The following LMO1 variants were observed in gnomAD, a reference collection of about 807,000 sequenced individuals.
LMO1 encodes the protein LIM domain only 1.
LMO1 carries 10 observed loss-of-function variants against 18.0 expected under a neutral mutation model. The observed-to-expected ratio is 0.55, with a 90% confidence interval of 0.34 to 0.94. The LOEUF (loss-of-function observed/expected upper bound fraction) is 0.94, where lower values mean the gene tolerates loss of function less well. Among genes scored for constraint, LMO1 ranks in the 40% least tolerant of loss-of-function variants. The pLI, the probability that LMO1 is intolerant of heterozygous loss-of-function variation, is 0.02. For synonymous variants in LMO1, 77 were observed against 77.9 expected, an observed-to-expected ratio of 0.99 and a Z score of 0.06; for missense variants, 183 against 205.7, an observed-to-expected ratio of 0.89 and a Z score of 0.68.
In LMO1 at chr11:8,224,393, C is replaced by G; in HGVS notation, c.*223G>C. 1.8e-6 allele frequency: 1 copy of G among 550,222 alleles called. No individual in the cohort carries two copies. Among genetic ancestry groups the G allele is most frequent in the Non-Finnish European group, 3.2e-6 (1 of 308,652 alleles). The allele number at this position is 550,222 out of a possible 1,614,324, so 34.1% of individuals were successfully genotyped here. A position where few individuals can be genotyped will look rare whatever the true frequency, so the allele number is the denominator to read the frequency against. Reference sequence around the variant, plus strand: ...TAAAATAAATGTTCCCATTTATATACAGAAGACAGACTGTACAGGCCCGGC... The same window carrying G: ...TAAAATAAATGTTCCCATTTATATAGAGAAGACAGACTGTACAGGCCCGGC... On this transcript the variant is annotated 3_prime_UTR_variant, in exon 4 of 4. Coordinates refer to ENST00000335790, the MANE Select transcript of LMO1 (RefSeq NM_002315.3).
At chr11:8,267,442 C>G (rs1416563018), upstream of LMO1, among the ~76,000 whole-genome samples, 1 of 152,192 alleles carries the variant, frequency 6.6e-6, no homozygotes, top group African/African-American at 2.4e-5. Flanking sequence ...CCTCTCAACC[C>G]CAAACCTTCC....
intron 1 of LMO1, among the ~76,000 whole-genome samples, chr11:8,262,771 T>C (rs982041547): frequency 2.0e-5 from 3 of 152,148 alleles, no homozygotes; most frequent in African/African-American, 7.2e-5. Flanking sequence ...GTCACGCTCA[T>C]GCAGATGTCC....
At chr11:8,226,600 T>C (rs1433034714) in intron 3 of LMO1, among the ~76,000 whole-genome samples, 1 of 152,088 alleles carries the variant, frequency 6.6e-6, no homozygotes, top group Non-Finnish European at 1.5e-5. Context: ...CCCCAGACAT[T>C]TAAAAACACA....
At chr11:8,244,968 C>T (rs974732969) in intron 1 of LMO1, among the ~76,000 whole-genome samples, 8 of 152,242 alleles carry the variant, frequency 5.3e-5, no homozygotes, top group African/African-American at 1.9e-4. Flanking sequence ...TACCCTGCAT[C>T]CTCTTCACCC....
intron 1 of LMO1, among the ~76,000 whole-genome samples, chr11:8,250,225 A>G (rs1345111184): frequency 1.3e-5 from 2 of 152,218 alleles, no homozygotes; most frequent in South Asian, 2.1e-4. Context: ...TTCCTGAGCC[A>G]ACTTCTGCAG....
chr11:8,256,598 T>C (rs1480277777), intron 1 of LMO1, among the ~76,000 whole-genome samples: 1 of 152,246 alleles, frequency 6.6e-6, no homozygotes, highest in African/African-American at 2.4e-5. Context: ...TATCAGCTAC[T>C]GTGAACTCCT....
chr11:8,258,543 T>C (rs1032735480), intron 1 of LMO1, among the ~76,000 whole-genome samples: 1 of 152,220 alleles, frequency 6.6e-6, no homozygotes, highest in Admixed American at 6.5e-5. Flanking sequence ...CAGTGCTCAC[T>C]GGCAATCATC....
chr11:8,229,378 T>C lies in LMO1; in HGVS notation c.239+913A>G, dbSNP rs1952609806. ...CACTGATAACCTCCCCCTTGCAACATGCCCAGACCTGGGCAGAGGGAGCCC... is the reference window on the plus strand; with the variant it reads ...CACTGATAACCTCCCCCTTGCAACACGCCCAGACCTGGGCAGAGGGAGCCC... On this transcript the variant is annotated intron_variant, in intron 2 of 3. Transcript: ENST00000335790. Among the ~76,000 whole-genome samples the C allele has an allele frequency of 2.0e-5, 3 of 152,312 alleles. 1 individual carries two copies. The highest frequency in any genetic ancestry group is 6.8e-3 in the Middle Eastern group (2 of 294).
intron 1 of LMO1, among the ~76,000 whole-genome samples, chr11:8,260,613 A>G (rs1590565505): frequency 6.6e-6 from 1 of 152,148 alleles, no homozygotes; most frequent in Non-Finnish European, 1.5e-5. Context: ...TCAATACTTC[A>G]GAAAGTCTCT....
At chr11:8,229,323 A>G (rs1565175570) in intron 2 of LMO1, among the ~76,000 whole-genome samples, 1 of 152,206 alleles carries the variant, frequency 6.6e-6, no homozygotes, top group Non-Finnish European at 1.5e-5. Flanking sequence ...CAGGTCAGTC[A>G]AAGGATCTTT....
intron 1 of LMO1, among the ~76,000 whole-genome samples, chr11:8,231,545 A>G (rs1952662092): frequency 6.6e-6 from 1 of 152,216 alleles, no homozygotes; most frequent in East Asian, 1.9e-4. Context: ...GGACCTCAGA[A>G]GCCCTGCTCT....
At chr11:8,234,694 C>A (rs1952730400) in intron 1 of LMO1, among the ~76,000 whole-genome samples, 3 of 152,206 alleles carry the variant, frequency 2.0e-5, no homozygotes, top group Non-Finnish European at 4.4e-5. Flanking sequence ...TGGGCATCTG[C>A]AGCCCCTCCC....
chr11:8,253,220 C>T (rs1847034586), intron 1 of LMO1, among the ~76,000 whole-genome samples: 1 of 152,196 alleles, frequency 6.6e-6, no homozygotes, highest in African/African-American at 2.4e-5. Flanking sequence ...GGATCCTTTC[C>T]AAAGAGCAAT....
At chr11:8,229,498 G>T (rs1952613007) in intron 2 of LMO1, among the ~76,000 whole-genome samples, 1 of 152,226 alleles carries the variant, frequency 6.6e-6, no homozygotes, top group Non-Finnish European at 1.5e-5. Context: ...AGAGCCAAAT[G>T]CAGGTGCTGG....
chr11:8,235,036 C>T (rs534619595), intron 1 of LMO1, among the ~76,000 whole-genome samples: 76 of 152,246 alleles, frequency 5.0e-4, no homozygotes, highest in African/African-American at 1.7e-3. Context: ...GTGGTCTTTC[C>T]GCTCAGAATG....
intron 1 of LMO1, among the ~76,000 whole-genome samples, chr11:8,233,902 T>C (rs909678136): frequency 6.6e-6 from 1 of 152,206 alleles, no homozygotes; most frequent in Non-Finnish European, 1.5e-5. Flanking sequence ...AATGTACTCC[T>C]GACTTTAGAA....
chr11:8,257,898 G>C (rs1178471590), intron 1 of LMO1, among the ~76,000 whole-genome samples: 3 of 152,224 alleles, frequency 2.0e-5, no homozygotes, highest in African/African-American at 7.2e-5. Flanking sequence ...TACTGTAACT[G>C]AGCATGGAGC....
chr11:8,263,780 T>G lies in LMO1; in HGVS notation c.-418A>C, dbSNP rs149084449. Reference sequence around the variant, plus strand: ...CACAGCTTTCAGCCTCATAAAGTGTTTTCCCCTCGGATTTAATCTGAATCT... The same window carrying G: ...CACAGCTTTCAGCCTCATAAAGTGTGTTCCCCTCGGATTTAATCTGAATCT... On this transcript the variant is annotated 5_prime_UTR_variant, in exon 1 of 4. Transcript: ENST00000335790. The G allele has an allele frequency of 8.2e-4, 882 of 1,076,014 alleles. 5 individuals carry two copies. The African/African-American group carries it at 0.013, about 16-fold the overall frequency. The allele number at this position is 1,076,014 out of a possible 1,614,324, so 66.7% of individuals were successfully genotyped here.
At chr11:8,264,596 C>CACCT (rs1177624464), upstream of LMO1, among the ~76,000 whole-genome samples, 1 of 151,822 alleles carries the variant, frequency 6.6e-6, no homozygotes, top group Non-Finnish European at 1.5e-5. Context: ...GCCACCTACC[C>CACCT]ACCTACTTTT....
Sources: gnomAD v4.1 joint callset for allele counts (sites outside exome capture counted in the v4.1 genomes callset) on GRCh38, gnomAD v4.1.1 for gene constraint, MANE v1.5 for transcripts, NCBI Gene and HGNC (gene_info 2026-07-23, HGNC 2026-07-21) for gene names.